The following ZPBP variants were observed in gnomAD, a reference collection of about 807,000 sequenced individuals.
ZPBP encodes zona pellucida binding protein.
A neutral mutation model predicts 44.8 loss-of-function variants in ZPBP; 26 were observed. The observed-to-expected ratio is 0.58, with a 90% CI of 0.43 to 0.81. The LOEUF (loss-of-function observed/expected upper bound fraction) is 0.81, where lower values mean the gene tolerates loss of function less well. ZPBP is among the 30% of genes least tolerant of loss of function. The pLI is 0.00. For missense variants in ZPBP, 409 were observed against 434.0 expected (o/e 0.94, Z 0.51); for synonymous variants, 174 against 153.2 (o/e 1.14, Z -1.00).
chr7:49,922,871 T>C (rs1049489990), intron 1 of ZPBP, among the ~76,000 whole-genome samples: 3 of 152,106 alleles, frequency 2.0e-5, no homozygotes, highest in African/African-American at 7.2e-5. Flanking sequence ...AGATATAAAA[T>C]AAATCTATAT....
At chr7:49,881,924 AATT>A (rs1791682733) in intron 2 of ZPBP, among the ~76,000 whole-genome samples, 2 of 152,098 alleles carry the variant, frequency 1.3e-5, no homozygotes, top group Admixed American at 1.3e-4. Context: ...AATTAATTAA[AATT>A]TTCCTTTCCT....
intron 1 of ZPBP, among the ~76,000 whole-genome samples, chr7:49,932,279 A>T (rs2128750559): frequency 6.6e-6 from 1 of 152,332 alleles, no homozygotes; most frequent in South Asian, 2.1e-4. Flanking sequence ...CACCTGGAAA[A>T]GCCACAGAAC....
intron 3 of ZPBP, among the ~76,000 whole-genome samples, chr7:50,062,225 A>G (rs781745582): frequency 1.3e-5 from 2 of 152,256 alleles, no homozygotes; most frequent in African/African-American, 4.8e-5. Flanking sequence ...GAAAGAATCA[A>G]TATTGTTAAA....
At chr7:49,908,129 A>G (rs1793206619) in intron 1 of ZPBP, among the ~76,000 whole-genome samples, 1 of 152,244 alleles carries the variant, frequency 6.6e-6, no homozygotes, top group Admixed American at 6.5e-5. Flanking sequence ...TGTGATGCCA[A>G]TACTAGAGTC....
chr7:49,977,275 T>C (rs1175973660), intron 7 of ZPBP, among the ~76,000 whole-genome samples: 1 of 152,046 alleles, frequency 6.6e-6, no homozygotes, highest in Non-Finnish European at 1.5e-5. Flanking sequence ...TCTTTGTGGG[T>C]CGAAAAGGCG....
chr7:49,841,055 AT>A, the ZPBP span, among the ~76,000 whole-genome samples: 1 of 152,210 alleles, frequency 6.6e-6, no homozygotes, highest in Admixed American at 6.5e-5. Flanking sequence ...ATTTGGTCTT[AT>A]TTGGATTCCA....
At chr7:49,938,833 T>C (rs1466514097) in intron 7 of ZPBP, among the ~76,000 whole-genome samples, 1 of 152,234 alleles carries the variant, frequency 6.6e-6, no homozygotes, top group African/African-American at 2.4e-5. Flanking sequence ...GATTCAATGA[T>C]ACAAGTTAAT....
chr7:49,934,054 A>AG (rs1491339987), downstream of ZPBP, among the ~76,000 whole-genome samples: 4 of 6,186 alleles, frequency 6.5e-4, no homozygotes, highest in African/African-American at 3.1e-3. Context: ...AAGTATAATT[A>AG]AAAAAAAAAA....
intron 7 of ZPBP, among the ~76,000 whole-genome samples, chr7:49,947,958 C>T (rs1223716797): frequency 6.6e-6 from 1 of 152,232 alleles, no homozygotes; most frequent in East Asian, 1.9e-4. Flanking sequence ...GCATAGTAGT[C>T]TCTCTCTATG....
At chr7:50,090,274 CAA>C (rs1802884339) in intron 1 of ZPBP, among the ~76,000 whole-genome samples, 3 of 152,014 alleles carry the variant, frequency 2.0e-5, no homozygotes, top group South Asian at 4.1e-4. Context: ...CCCGAGTCCC[CAA>C]AGACCATTGT....
chr7:50,011,517 C>T (rs982201102), intron 6 of ZPBP, among the ~76,000 whole-genome samples: 1 of 152,122 alleles, frequency 6.6e-6, no homozygotes, highest in African/African-American at 2.4e-5. Context: ...CTGAACAACA[C>T]CACCATCCAC....
In ZPBP at chr7:49,981,688, T is replaced by A. The variant is rs1017316431; in HGVS notation, c.961+1654A>T. 1.6e-3 allele frequency among the ~76,000 whole-genome samples: 68 copies of A among 43,854 alleles called. 12 individuals carry two copies. Among genetic ancestry groups the A allele is most frequent in the Admixed American group, 9.0e-3 (24 of 2,680 alleles). 28.8% of individuals were successfully genotyped at this position (43,854 alleles called of 152,430 possible). On this transcript the variant is annotated intron_variant, in intron 7 of 7. Coordinates refer to ENST00000046087, the MANE Select transcript of ZPBP (RefSeq NM_007009.3). Reference sequence around the variant, plus strand: ...ATATATTATATATTATATATAATAATATATATAATTATATATAATATATTA... The same window carrying A: ...ATATATTATATATTATATATAATAAAATATATAATTATATATAATATATTA...
At chr7:49,919,701 C>T (rs1793922208) in intron 1 of ZPBP, 1 of 152,412 alleles carries the variant, frequency 6.6e-6, no homozygotes, top group East Asian at 1.9e-4. Flanking sequence ...CCACTCCAAA[C>T]AATAACAGCA....
chr7:50,029,310 C>T (rs1239132267), intron 5 of ZPBP, among the ~76,000 whole-genome samples: 1 of 152,128 alleles, frequency 6.6e-6, no homozygotes, highest in Non-Finnish European at 1.5e-5. Context: ...AGGTTGAACC[C>T]ATACCTCATA....
chr7:49,949,284 A>G (rs1795229207), intron 7 of ZPBP, among the ~76,000 whole-genome samples: 1 of 152,150 alleles, frequency 6.6e-6, no homozygotes, highest in African/African-American at 2.4e-5. Flanking sequence ...AGCCTAATAT[A>G]GTATATATCT....
intron 6 of ZPBP, among the ~76,000 whole-genome samples, chr7:50,015,191 T>TA (rs1006726808): frequency 2.3e-4 from 34 of 147,906 alleles, no homozygotes; most frequent in Admixed American, 5.4e-4. Flanking sequence ...CATATTGCAT[T>TA]AAAAAAAAAA....
At chr7:49,886,321 T>C (rs1352933049) in intron 2 of ZPBP, among the ~76,000 whole-genome samples, 1 of 151,304 alleles carries the variant, frequency 6.6e-6, no homozygotes, top group African/African-American at 2.5e-5. Flanking sequence ...AAGCGCAAAA[T>C]TCACCACATT....
At chr7:49,998,980 T>A (rs902148649) in intron 6 of ZPBP, among the ~76,000 whole-genome samples, 1 of 152,072 alleles carries the variant, frequency 6.6e-6, no homozygotes, top group Non-Finnish European at 1.5e-5. Context: ...ATCCAAAATT[T>A]TTTGAGTCCT....
chr7:49,929,982 T>C (rs935821607), intron 1 of ZPBP, among the ~76,000 whole-genome samples: 2 of 152,238 alleles, frequency 1.3e-5, no homozygotes, highest in African/African-American at 4.8e-5. Context: ...AAAATGAAGG[T>C]ATCACTTTCT....
Sources: allele counts gnomAD v4.1 joint callset (sites outside exome capture counted in the v4.1 genomes callset), GRCh38; gene constraint gnomAD v4.1.1; transcripts MANE v1.5; gene names NCBI Gene and HGNC (gene_info 2026-07-23, HGNC 2026-07-21).